The following FHIT variants were observed in gnomAD, a reference collection of about 807,000 sequenced individuals.
The protein encoded by FHIT is bis(5'-adenosyl)-triphosphatase.
A neutral mutation model predicts 17.9 loss-of-function variants in FHIT; 19 were observed. The ratio of observed to expected loss-of-function variants is 1.06; its 90% CI spans 0.74 to 1.56. FHIT has a LOEUF of 1.56. Ranked by LOEUF, FHIT falls within the 40% of genes most tolerant of loss-of-function variation. The probability of loss-of-function intolerance (pLI) is 0.00; values close to 1 mark genes in which losing one functional copy is unlikely to be tolerated. For missense variants in FHIT, 248 were observed against 189.2 expected (o/e 1.31, Z -1.82); for synonymous variants, 81 against 69.7 (o/e 1.16, Z -0.81).
intron 3 of FHIT, among the ~76,000 whole-genome samples, chr3:60,879,654 T>C (rs907424856): frequency 6.6e-6 from 1 of 151,922 alleles, no homozygotes; most frequent in African/African-American, 2.4e-5. Context: ...AAAATACAGA[T>C]AGACAATTCA....
At chr3:60,587,165 T>C (rs2037933878) in intron 4 of FHIT, among the ~76,000 whole-genome samples, 1 of 151,956 alleles carries the variant, frequency 6.6e-6, no homozygotes, top group Admixed American at 6.6e-5. Flanking sequence ...CGGAATACTA[T>C]GCAGCCAAAA....
chr3:60,769,397 T>G (rs1699965963), intron 4 of FHIT, among the ~76,000 whole-genome samples: 1 of 152,212 alleles, frequency 6.6e-6, no homozygotes, highest in Non-Finnish European at 1.5e-5. Context: ...CATTTTGCTT[T>G]CCTTACCAGG....
chr3:60,827,116 G>C (rs150270743), intron 3 of FHIT, among the ~76,000 whole-genome samples: 70 of 152,310 alleles, frequency 4.6e-4, no homozygotes, highest in African/African-American at 1.7e-3. Flanking sequence ...AAAGGGGCTA[G>C]AATTGTGAAG....
intron 3 of FHIT, among the ~76,000 whole-genome samples, chr3:61,030,347 C>T (rs1241866551): frequency 2.0e-5 from 3 of 152,162 alleles, no homozygotes; most frequent in Non-Finnish European, 4.4e-5. Flanking sequence ...GACATTCATT[C>T]GTTCATTCAA....
intron 3 of FHIT, among the ~76,000 whole-genome samples, chr3:61,033,343 A>G (rs1276380853): frequency 6.6e-6 from 1 of 152,214 alleles, no homozygotes; most frequent in Non-Finnish European, 1.5e-5. Flanking sequence ...CACTGGCCAC[A>G]TAAAATGTGC....
intron 5 of FHIT, among the ~76,000 whole-genome samples, chr3:60,037,264 T>C (rs1701254772): frequency 6.6e-6 from 1 of 152,156 alleles, no homozygotes; most frequent in Non-Finnish European, 1.5e-5. Flanking sequence ...AGGTAGAAAA[T>C]ACATACATAA....
At chr3:61,153,594 A>T (rs1399648867) in intron 2 of FHIT, among the ~76,000 whole-genome samples, 1 of 152,186 alleles carries the variant, frequency 6.6e-6, no homozygotes, top group African/African-American at 2.4e-5. Context: ...GCTCAAATTG[A>T]CAAGGTTACT....
chr3:61,024,995 G>A lies in FHIT; in HGVS notation c.-111+17052C>T, dbSNP rs560183989. Among the ~76,000 whole-genome samples the A allele has an allele frequency of 5.9e-5, 9 of 151,512 alleles. No individual in the cohort carries two copies. The South Asian group carries it at 1.5e-3, about 24-fold the overall frequency. On this transcript the variant is annotated intron_variant, in intron 3 of 9. Transcript: ENST00000492590. ...ATTACCTTGTCTATATCTATGAACT[G>A]TCAGCAAAAAATATCCCTTTTTCAC...
At chr3:61,039,277 A>G (rs2033392609) in intron 3 of FHIT, among the ~76,000 whole-genome samples, 1 of 152,154 alleles carries the variant, frequency 6.6e-6, no homozygotes, top group Admixed American at 6.5e-5. Context: ...TGTATCTAGT[A>G]AGAAACATGA....
At chr3:60,071,277 A>G (rs1315125463) in intron 5 of FHIT, among the ~76,000 whole-genome samples, 1 of 152,174 alleles carries the variant, frequency 6.6e-6, no homozygotes, top group African/African-American at 2.4e-5. Flanking sequence ...CCTATTCATA[A>G]TTTTCTACAC....
chr3:61,012,799 G>A (rs942637857), intron 3 of FHIT, among the ~76,000 whole-genome samples: 1 of 151,390 alleles, frequency 6.6e-6, no homozygotes, highest in African/African-American at 2.4e-5. Context: ...GAAATGTAGA[G>A]GATTATAAAT....
chr3:60,083,144 G>T (rs183344075), intron 5 of FHIT, among the ~76,000 whole-genome samples: 1 of 152,188 alleles, frequency 6.6e-6, no homozygotes, highest in Non-Finnish European at 1.5e-5. Context: ...TTTTGTATAT[G>T]GTGAAAGGTA....
intron 8 of FHIT, among the ~76,000 whole-genome samples, chr3:59,881,619 T>TA (rs2106955479): frequency 6.6e-6 from 1 of 152,296 alleles, no homozygotes; most frequent in East Asian, 1.9e-4. Context: ...AACTCCAGTG[T>TA]AAAAAACTGG....
At chr3:60,314,042 G>A (rs1709061836) in intron 5 of FHIT, among the ~76,000 whole-genome samples, 2 of 152,304 alleles carry the variant, frequency 1.3e-5, no homozygotes, top group Non-Finnish European at 2.9e-5. Flanking sequence ...GTCTACATCA[G>A]TGTCATGTTC....
chr3:60,100,968 G>A (rs79831548), intron 5 of FHIT, among the ~76,000 whole-genome samples: 1 of 152,168 alleles, frequency 6.6e-6, no homozygotes, highest in Non-Finnish European at 1.5e-5. Context: ...CCAGGAACAT[G>A]TAACAGCTCT....
chr3:60,038,030 A>G (rs1343335696), intron 5 of FHIT, among the ~76,000 whole-genome samples: 1 of 152,040 alleles, frequency 6.6e-6, no homozygotes, highest in Non-Finnish European at 1.5e-5. Flanking sequence ...CTACTTCTAT[A>G]CTGAGAATAA....
intron 3 of FHIT, among the ~76,000 whole-genome samples, chr3:60,974,851 A>AT (rs1278348047): frequency 6.6e-6 from 1 of 152,176 alleles, no homozygotes; most frequent in Non-Finnish European, 1.5e-5. Context: ...ATCAAATAAC[A>AT]TAGCCCCATT....
chr3:60,991,079 G>T (rs530408305), intron 3 of FHIT, among the ~76,000 whole-genome samples: 1 of 152,294 alleles, frequency 6.6e-6, no homozygotes, highest in African/African-American at 2.4e-5. Flanking sequence ...AGAGAGACAG[G>T]TCCTTCCTAA....
At chr3:60,351,916 C>T (rs1415632688) in intron 5 of FHIT, among the ~76,000 whole-genome samples, 1 of 152,142 alleles carries the variant, frequency 6.6e-6, no homozygotes, top group African/African-American at 2.4e-5. Context: ...TAGCTCTTAC[C>T]CTGAAGAAGC....
Sources: allele counts gnomAD v4.1 joint callset (sites outside exome capture counted in the v4.1 genomes callset), GRCh38; gene constraint gnomAD v4.1.1; transcripts MANE v1.5; gene names NCBI Gene and HGNC (gene_info 2026-07-23, HGNC 2026-07-21).